The following STAG1 variants were observed in gnomAD, a reference collection of about 807,000 sequenced individuals.
STAG1 encodes the protein cohesin subunit SA-1.
A neutral mutation model predicts 170.9 loss-of-function variants in STAG1; 26 were observed. The observed-to-expected ratio is 0.15, with a 90% CI of 0.11 to 0.21. The LOEUF is 0.21. STAG1 is among the 10% of genes least tolerant of loss of function. STAG1 has a pLI of 1.00. For missense variants in STAG1, 964 were observed against 1,509.5 expected (o/e 0.64, Z 5.99); for synonymous variants, 514 against 497.7 (o/e 1.03, Z -0.44).
chr3:136,620,376 C>T (rs1046378356), intron 3 of STAG1, among the ~76,000 whole-genome samples: 14 of 152,208 alleles, frequency 9.2e-5, no homozygotes, highest in Admixed American at 7.2e-4. Context: ...GGACTCCAAT[C>T]TGATCATTCT....
intron 3 of STAG1, among the ~76,000 whole-genome samples, chr3:136,607,058 G>A (rs1938986129): frequency 6.6e-6 from 1 of 151,754 alleles, no homozygotes; most frequent in African/African-American, 2.4e-5. Flanking sequence ...CCAGTAACAT[G>A]CCATTTTTAT....
At chr3:136,442,203 C>A (rs1268623213) in intron 15 of STAG1, among the ~76,000 whole-genome samples, 1 of 152,072 alleles carries the variant, frequency 6.6e-6, no homozygotes, top group Non-Finnish European at 1.5e-5. Context: ...ATCACACACA[C>A]ACACAAAAAT....
chr3:136,663,878 G>C (rs752290232), intron 1 of STAG1, among the ~76,000 whole-genome samples: 2 of 152,126 alleles, frequency 1.3e-5, no homozygotes, highest in Non-Finnish European at 2.9e-5. Flanking sequence ...ATCCAACTAA[G>C]AAAAAGTAAG....
intron 6 of STAG1, among the ~76,000 whole-genome samples, chr3:136,528,132 G>A (rs1384456351): frequency 6.6e-6 from 1 of 152,170 alleles, no homozygotes; most frequent in Non-Finnish European, 1.5e-5. Flanking sequence ...GGACATTTAA[G>A]TCCGCAGAAG....
intron 1 of STAG1, among the ~76,000 whole-genome samples, chr3:136,673,319 T>A (rs1278025797): frequency 6.6e-6 from 1 of 152,202 alleles, no homozygotes; most frequent in Admixed American, 6.5e-5. Context: ...AATTCTTAGT[T>A]ATAGTTTGTA....
At chr3:136,524,235 T>G (rs1414462651) in intron 6 of STAG1, among the ~76,000 whole-genome samples, 1 of 152,218 alleles carries the variant, frequency 6.6e-6, no homozygotes, top group Non-Finnish European at 1.5e-5. Flanking sequence ...GAGCATGGAA[T>G]GTTCTTCCAT....
chr3:136,651,514 T>C (rs1460911570), intron 1 of STAG1, among the ~76,000 whole-genome samples: 1 of 152,040 alleles, frequency 6.6e-6, no homozygotes. Context: ...TTAGTAAATA[T>C]TTACAAGTTA....
intron 24 of STAG1, 29 bp from the exon 25 acceptor site, chr3:136,367,111 A>T (rs768305201): frequency 6.4e-7 from 1 of 1,561,378 alleles, no homozygotes; most frequent in Non-Finnish European, 8.7e-7. Context: ...TTGGTTATGA[A>T]TTCTGGTACT....
At chr3:136,375,969 AAAATAAATAAAT>A (rs3072456) in intron 23 of STAG1, among the ~76,000 whole-genome samples, 5 of 124,674 alleles carry the variant, frequency 4.0e-5, no homozygotes, top group African/African-American at 1.5e-4. Context: ...ACTCCGTCTC[AAAATAAATAAAT>A]AAATAAATAA....
At chr3:136,389,615 G>A (rs766900769) in intron 22 of STAG1, among the ~76,000 whole-genome samples, 1 of 151,880 alleles carries the variant, frequency 6.6e-6, no homozygotes, top group Non-Finnish European at 1.5e-5. Context: ...CACCTCCTGG[G>A]TTCCAGCAAT....
intron 4 of STAG1, among the ~76,000 whole-genome samples, chr3:136,592,248 G>A (rs1327064917): frequency 2.6e-5 from 4 of 152,104 alleles, no homozygotes; most frequent in Non-Finnish European, 4.4e-5. Flanking sequence ...ATCCCCATGT[G>A]TCATGGGATG....
chr3:136,622,135 TAA>T (rs75542452), intron 3 of STAG1, among the ~76,000 whole-genome samples: 33,111 of 92,674 alleles, frequency 0.36, 5,644 homozygotes, highest in East Asian at 0.8. Flanking sequence ...CCATCTCTAC[TAA>T]AAAAAAAAAA....
intron 5 of STAG1, among the ~76,000 whole-genome samples, chr3:136,567,802 T>G (rs1408110803): frequency 2.0e-5 from 3 of 152,232 alleles, no homozygotes; most frequent in African/African-American, 4.8e-5. Flanking sequence ...AGCTAATGTA[T>G]GTAAAGCACA....
chr3:136,617,380 G>C (rs767422236), intron 3 of STAG1, among the ~76,000 whole-genome samples: 8 of 152,146 alleles, frequency 5.3e-5, no homozygotes, highest in Non-Finnish European at 1.0e-4. Flanking sequence ...CTTTAGGCTG[G>C]ATGTTGGTAG....
At position 136,689,222 on chromosome 3, in the gene STAG1, T is replaced by C. The variant is rs142710788; in HGVS notation, c.-83-58241A>G. On this transcript the variant is annotated intron_variant, in intron 1 of 33. Coordinates refer to ENST00000383202, the MANE Select transcript of STAG1 (RefSeq NM_005862.3). Reference sequence around the variant, plus strand: ...AAGAAAACATACAGATCATAACCAATACATATTGCATACCCATGGGAAGGA... The same window carrying C: ...AAGAAAACATACAGATCATAACCAACACATATTGCATACCCATGGGAAGGA... Among the ~76,000 whole-genome samples the C allele has an allele frequency of 3.3e-4, 50 of 152,288 alleles. No homozygotes were observed. In the South Asian group the frequency reaches 4.1e-3, roughly 13 times the overall value.
At chr3:136,467,410 G>C (rs529793083) in intron 12 of STAG1, among the ~76,000 whole-genome samples, 1 of 152,282 alleles carries the variant, frequency 6.6e-6, no homozygotes, top group South Asian at 2.1e-4. Flanking sequence ...AAGAGACAAA[G>C]AAGGCCATTA....
chr3:136,664,105 G>C (rs936115673), intron 1 of STAG1, among the ~76,000 whole-genome samples: 10 of 152,138 alleles, frequency 6.6e-5, no homozygotes, highest in Non-Finnish European at 1.5e-5. Flanking sequence ...ATTAAGCCCA[G>C]GTACTGGTCT....
chr3:136,632,705 A>G (rs1476284053), intron 1 of STAG1, among the ~76,000 whole-genome samples: 1 of 152,148 alleles, frequency 6.6e-6, no homozygotes. Context: ...TCAAGGTGCT[A>G]CACGCATGCC....
chr3:136,359,036 G>A, intron 27 of STAG1, 112 bp downstream of exon 27: 1 of 931,082 alleles, frequency 1.1e-6, no homozygotes, highest in Non-Finnish European at 1.5e-6. Context: ...AATCTCCAAA[G>A]TTCTTATAAC....
Sources: allele counts gnomAD v4.1 joint callset (sites outside exome capture counted in the v4.1 genomes callset), GRCh38; gene constraint gnomAD v4.1.1; transcripts MANE v1.5; gene names NCBI Gene and HGNC (gene_info 2026-07-23, HGNC 2026-07-21).